Variants in SRSF12 observed in about 807,000 individuals in gnomAD.
The protein encoded by SRSF12 is serine/arginine-rich splicing factor 12.
Under a neutral mutation model 34.1 loss-of-function variants are expected in SRSF12, and 21 were observed. The observed-to-expected ratio is 0.62, with a 90% CI of 0.44 to 0.89. SRSF12 has a LOEUF of 0.89. Among genes scored for constraint, SRSF12 ranks in the 40% least tolerant of loss-of-function variants. The probability of loss-of-function intolerance (pLI) is 0.00; values close to 1 mark genes in which losing one functional copy is unlikely to be tolerated. For synonymous variants in SRSF12, 111 were observed against 110.8 expected (o/e 1.00, Z -0.01); for missense variants, 278 against 327.8 (o/e 0.85, Z 1.17).
intron 4 of SRSF12, among the ~76,000 whole-genome samples, chr6:89,104,482 C>T (rs1053363556): frequency 4.6e-5 from 7 of 152,034 alleles, no homozygotes; most frequent in Non-Finnish European, 1.0e-4. Flanking sequence ...GAGATCTGCC[C>T]ACCTCAGCCT....
Position 89,105,213 on chromosome 6 carries a change from C to G in SRSF12, c.322G>C (p.Asp108His). 1.9e-6 allele frequency: 3 copies of G among 1,612,238 alleles called. No individual in the cohort carries two copies. The highest frequency in any genetic ancestry group is 2.5e-6 in the Non-Finnish European group (3 of 1,178,910). Reference sequence around the variant, plus strand: ...CTGGGGCTTCTTGATCTCCTGTGATCACTTGGAGAACAAGGATGACGTTCT... The same window carrying G: ...CTGGGGCTTCTTGATCTCCTGTGATGACTTGGAGAACAAGGATGACGTTCT... ...SKERHPCSPS[D>H]HRRSRSPSQR... Residue 108 changes from aspartate (D) to histidine (H), a missense_variant, in exon 4 of 5, where the codon GAT becomes CAT. Asp to His is a moderately conservative substitution (Grantham distance 81). Coordinates refer to ENST00000452027, the MANE Select transcript of SRSF12 (RefSeq NM_080743.5).
At position 89,117,997 on chromosome 6, in the gene SRSF12, C is replaced by T. The variant is rs77589760; in HGVS notation, c.-110G>A. On this transcript the variant is annotated 5_prime_UTR_variant, in exon 1 of 5. Coordinates refer to ENST00000452027, the MANE Select transcript of SRSF12 (RefSeq NM_080743.5). ...CTCCGCCGGCCCCCGGCGCGACCCC[C>T]ACCCCTCGGCCTCAGCCCCGCCAGC... 5.8e-6 allele frequency: 7 copies of T among 1,207,084 alleles called. No individual in the cohort carries two copies. Among genetic ancestry groups the T allele is most frequent in the Admixed American group, 5.7e-5 (2 of 35,192 alleles). The allele number at this position is 1,207,084 out of a possible 1,614,324, so 74.8% of individuals were successfully genotyped here. A position where few individuals can be genotyped will look rare whatever the true frequency, so the allele number is the denominator to read the frequency against.
intron 2 of SRSF12, chr6:89,106,940 G>T: frequency 3.4e-6 from 2 of 587,242 alleles, no homozygotes; most frequent in East Asian, 3.7e-5. Flanking sequence ...CTTTTGTCTC[G>T]CCTGCTGGGT....
intron 1 of SRSF12, among the ~76,000 whole-genome samples, chr6:89,107,783 C>CCT (rs1421327125): frequency 6.6e-6 from 1 of 152,044 alleles, no homozygotes; most frequent in East Asian, 1.9e-4. Flanking sequence ...GATTCTCAGA[C>CCT]CTCTCTTGGA....
chr6:89,109,032 C>T (rs2026907), intron 1 of SRSF12, among the ~76,000 whole-genome samples: 99,369 of 152,008 alleles, frequency 0.65, 33,266 homozygotes, highest in East Asian at 0.78. Flanking sequence ...TAAGCAAATA[C>T]TTATTGAGCA....
intron 1 of SRSF12, among the ~76,000 whole-genome samples, chr6:89,111,109 C>T (rs199599287): frequency 1.5e-4 from 18 of 120,724 alleles, no homozygotes; most frequent in African/African-American, 5.5e-4. Context: ...TGAGACTTGT[C>T]TTTTTTTTTT....
intron 1 of SRSF12, among the ~76,000 whole-genome samples, chr6:89,117,248 T>C (rs939734516): frequency 1.3e-5 from 2 of 152,168 alleles, no homozygotes; most frequent in Admixed American, 6.5e-5. Flanking sequence ...ATCTCATTCA[T>C]TGAAGTTATT....
chr6:89,102,692 A>G (rs931990799), intron 4 of SRSF12, among the ~76,000 whole-genome samples: 2 of 152,166 alleles, frequency 1.3e-5, no homozygotes, highest in Non-Finnish European at 1.5e-5. Context: ...TAACATACAC[A>G]TTCCTTGATA....
rs201450623 is a variant in SRSF12 at position 89,099,538 on chromosome 6, G to GTT, written c.417-593_417-592dup. ...TATACACACACACACACACATACAT[G>GTT]TTTTTTTTTTTTTTGAGACGGAGTT... On this transcript the variant is annotated intron_variant, in intron 4 of 4. Transcript: ENST00000452027. Among the ~76,000 whole-genome samples the GTT allele has an allele frequency of 3.8e-3, 483 of 126,154 alleles. 12 individuals carry two copies. Among genetic ancestry groups the GTT allele is most frequent in the Non-Finnish European group, 5.6e-3 (353 of 63,076 alleles). 82.8% of individuals were successfully genotyped at this position (126,154 alleles called of 152,430 possible).
At chr6:89,117,408 G>A (rs570296026) in intron 1 of SRSF12, among the ~76,000 whole-genome samples, 2 of 152,356 alleles carry the variant, frequency 1.3e-5, no homozygotes, top group East Asian at 1.9e-4. Flanking sequence ...ATCTAGGAGG[G>A]TTGGATGCGC....
chr6:89,114,390 T>C (rs1769194031), intron 1 of SRSF12, among the ~76,000 whole-genome samples: 5 of 152,240 alleles, frequency 3.3e-5, no homozygotes, highest in Admixed American at 1.3e-4. Flanking sequence ...ATCGTGCCAC[T>C]GCACTCCAGC....
chr6:89,116,059 A>C (rs1477820526), intron 1 of SRSF12, among the ~76,000 whole-genome samples: 1 of 152,252 alleles, frequency 6.6e-6, no homozygotes, highest in African/African-American at 2.4e-5. Context: ...CCAGATGTCT[A>C]CATGGCAGCT....
chr6:89,111,477 A>G (rs943457712), intron 1 of SRSF12, among the ~76,000 whole-genome samples: 1 of 152,168 alleles, frequency 6.6e-6, no homozygotes, highest in African/African-American at 2.4e-5. Flanking sequence ...AATATATAGA[A>G]ATAAAGTTTT....
rs55760020 is a variant in SRSF12, at chr6:89,103,991, C to CTTTTTTTTTT, written c.416+1118_416+1127dup. ...TTTCACAAGGGATTTTATTATATTT[C>CTTTTTTTTTT]TTTTTTTTTTTTTTTTTTTTTTTTT... On this transcript the variant is annotated intron_variant, in intron 4 of 4. Transcript: ENST00000452027. Among the ~76,000 whole-genome samples the CTTTTTTTTTT allele has an allele frequency of 1.6e-4, 13 of 81,962 alleles. 1 individual carries two copies. The highest frequency in any genetic ancestry group is 5.6e-4 in the African/African-American group (12 of 21,402). 53.8% of individuals were successfully genotyped at this position (81,962 alleles called of 152,430 possible).
In SRSF12 at chr6:89,097,066, C is replaced by T. The variant is rs1007737011; in HGVS notation, c.*1512G>A. 7 of 152,004 alleles carry T rather than the reference C, an allele frequency of 4.6e-5. No homozygotes were observed. Among genetic ancestry groups the T allele is most frequent in the African/African-American group, 1.7e-4 (7 of 41,396 alleles). The allele number at this position is 152,004 out of a possible 1,614,324, so 9.4% of individuals were successfully genotyped here. A position where few individuals can be genotyped will look rare whatever the true frequency, so the allele number is the denominator to read the frequency against. ...CACTTGTCCAAATATTACCAGCATA[C>T]AAATTATTGTTTAAGGTTGTTTCTT... On this transcript the variant is annotated 3_prime_UTR_variant, in exon 5 of 5. Transcript: ENST00000452027.
At chr6:89,112,749 CATTTTTTA>C (rs1769119000) in intron 1 of SRSF12, among the ~76,000 whole-genome samples, 1 of 151,692 alleles carries the variant, frequency 6.6e-6, no homozygotes, top group Admixed American at 6.6e-5. Flanking sequence ...TTCCTTTTTT[CATTTTTTA>C]ATATAGTTAT....
intron 1 of SRSF12, among the ~76,000 whole-genome samples, chr6:89,114,376 C>T (rs1338441005): frequency 6.6e-6 from 1 of 152,090 alleles, no homozygotes; most frequent in Non-Finnish European, 1.5e-5. Context: ...TGCAGTGAGC[C>T]GAGATCGTGC....
rs984176722 is a variant in SRSF12 at position 89,097,455 on chromosome 6, T to C, written c.*1123A>G. 2 of 152,118 alleles carry C rather than the reference T, an allele frequency of 1.3e-5. No individual in the cohort carries two copies. Among genetic ancestry groups the C allele is most frequent in the Non-Finnish European group, 2.9e-5 (2 of 68,024 alleles). The allele number at this position is 152,118 out of a possible 1,614,324, so 9.4% of individuals were successfully genotyped here. On this transcript the variant is annotated 3_prime_UTR_variant, in exon 5 of 5. Transcript: ENST00000452027. ...TTTGGCTGTCAGAAATGAAGGGCAG[T>C]ATAATGTAAAATTCAAATACTGCAA...
intron 1 of SRSF12, among the ~76,000 whole-genome samples, chr6:89,109,441 G>A (rs562283444): frequency 2.5e-4 from 24 of 96,592 alleles, no homozygotes; most frequent in Non-Finnish European, 4.3e-4. Flanking sequence ...AGGAGACTGA[G>A]GGTGAGAGAA....
Sources: gnomAD v4.1 joint callset for allele counts (sites outside exome capture counted in the v4.1 genomes callset) on GRCh38, gnomAD v4.1.1 for gene constraint, MANE v1.5 for transcripts, NCBI Gene and HGNC (gene_info 2026-07-23, HGNC 2026-07-21) for gene names.